The following GALNT12 variants were observed in gnomAD, a reference collection of about 807,000 sequenced individuals.
The protein encoded by GALNT12 is UDP-GalNAc:polypeptide N-acetylgalactosaminyltransferase 12.
Under a neutral mutation model 55.5 loss-of-function variants are expected in GALNT12, and 45 were observed. The observed-to-expected ratio is 0.81, with a 90% confidence interval of 0.64 to 1.04. The LOEUF (loss-of-function observed/expected upper bound fraction) is 1.04. Among genes scored for constraint, GALNT12 ranks in the 50% least tolerant of loss-of-function variants. GALNT12 has a pLI of 0.00. For synonymous variants in GALNT12, 304 were observed against 312.2 expected (o/e 0.97, Z 0.28); for missense variants, 709 against 754.8 (o/e 0.94, Z 0.71).
chr9:98,835,811 C>G (rs146708749), intron 5 of GALNT12, among the ~76,000 whole-genome samples: 44 of 152,226 alleles, frequency 2.9e-4, no homozygotes, highest in African/African-American at 1.1e-3. Context: ...TCTCAGCTCA[C>G]TGCAACCTCC....
intron 1 of GALNT12, among the ~76,000 whole-genome samples, chr9:98,821,904 C>G (rs1357907162): frequency 6.6e-6 from 1 of 152,036 alleles, no homozygotes; most frequent in Non-Finnish European, 1.5e-5. Flanking sequence ...TCTGTAATTC[C>G]TGATTTGTTT....
At chr9:98,848,838 C>A in intron 9 of GALNT12, 114 bp from the exon 10 acceptor site, 1 of 1,230,994 alleles carries the variant, frequency 8.1e-7, no homozygotes, top group Admixed American at 1.9e-5. Flanking sequence ...GACACTTACC[C>A]CTCAATAAAT....
chr9:98,833,745 T>C (rs1836061983), intron 4 of GALNT12, among the ~76,000 whole-genome samples: 1 of 152,042 alleles, frequency 6.6e-6, no homozygotes, highest in African/African-American at 2.4e-5. Flanking sequence ...CCTCACTGAA[T>C]AGGTTTGGAA....
intron 4 of GALNT12, among the ~76,000 whole-genome samples, chr9:98,833,516 G>A (rs1413603086): frequency 3.9e-5 from 6 of 152,190 alleles, no homozygotes; most frequent in African/African-American, 1.2e-4. Context: ...GCCATGTGGT[G>A]AGGGCCCTGG....
In GALNT12 at chr9:98,831,820, C is replaced by G. The variant is rs777942439; in HGVS notation, c.780C>G (p.Ile260Met). 1.2e-6 allele frequency: 2 copies of G among 1,614,152 alleles called. No individual in the cohort carries two copies. Among genetic ancestry groups the G allele is most frequent in the Admixed American group, 1.7e-5 (1 of 60,020 alleles). ...TGGTGTGCCCGGTGATTGATGTGAT[C>G]GACTGGAACACCTTCGAATACCTGG... ...SAVVCPVIDV[I>M]DWNTFEYLGN... is the part of the protein sequence containing the mutation. The change falls in exon 4 of 10, where the codon ATC becomes ATG. Residue 260 changes from isoleucine (I) to methionine (M), a missense_variant. Coordinates refer to ENST00000375011, the MANE Select transcript of GALNT12 (RefSeq NM_024642.5).
intron 9 of GALNT12, among the ~76,000 whole-genome samples, chr9:98,846,909 T>C (rs1160466940): frequency 6.7e-6 from 1 of 150,178 alleles, no homozygotes; most frequent in Non-Finnish European, 1.5e-5. Flanking sequence ...TTACTGAGGA[T>C]TAGATGCATA....
chr9:98,808,141 G>A, intron 1 of GALNT12, 72 bp downstream of exon 1: 1 of 1,298,638 alleles, frequency 7.7e-7, no homozygotes, highest in Non-Finnish European at 1.1e-6. Context: ...CAGAGCAGTG[G>A]CAGGGCGGGG....
intron 7 of GALNT12, among the ~76,000 whole-genome samples, chr9:98,843,009 A>G (rs1268919406): frequency 6.6e-6 from 1 of 152,222 alleles, no homozygotes; most frequent in East Asian, 1.9e-4. Flanking sequence ...CAGTAGCCAC[A>G]GTGGCCAGTG....
At chr9:98,808,097 C>A (rs763944798) in intron 1 of GALNT12, 28 bp downstream of exon 1, 28 of 1,533,112 alleles carry the variant, frequency 1.8e-5, no homozygotes, top group South Asian at 2.4e-5. Flanking sequence ...GGGAGGAAGC[C>A]CGCCCTCAGA....
intron 4 of GALNT12, among the ~76,000 whole-genome samples, chr9:98,833,029 C>G (rs1438556571): frequency 6.6e-6 from 1 of 152,026 alleles, no homozygotes; most frequent in African/African-American, 2.4e-5. Flanking sequence ...ATCTTTAGGC[C>G]CCTTTGACCT....
In GALNT12 at chr9:98,823,377, G is replaced by C. The variant is rs2118355871; in HGVS notation, c.493G>C (p.Asp165His). The C allele has an allele frequency of 6.2e-7, 1 of 1,614,168 alleles. No individual in the cohort carries two copies. Among genetic ancestry groups the C allele is most frequent in the South Asian group, 1.1e-5 (1 of 91,078 alleles). The change falls in exon 2 of 10, where the codon GAT becomes CAT. Residue 165 changes from aspartate to histidine, a missense_variant. Physicochemically the swap from Asp to His is moderately conservative, Grantham distance 81. Coordinates refer to ENST00000375011, the MANE Select transcript of GALNT12 (RefSeq NM_024642.5). ...TTACAGTGTCCTTGAGACATCCCCG[G>C]ATATCCTGCTAGAAGAAGTGATCCT... ...TVYSVLETSP[D>H]ILLEEVILVD... is the part of the protein sequence containing the mutation.
At chr9:98,831,984 GT>G (rs1588450156) in intron 4 of GALNT12, 27 bp downstream of exon 4, 1 of 1,597,302 alleles carries the variant, frequency 6.3e-7, no homozygotes, top group East Asian at 2.2e-5. Context: ...TGGGTGACTT[GT>G]TTTTTAAGCA....
intron 1 of GALNT12, among the ~76,000 whole-genome samples, chr9:98,821,369 C>G (rs532870639): frequency 6.6e-6 from 1 of 151,946 alleles, no homozygotes; most frequent in East Asian, 2.0e-4. Context: ...CACCTGTAAT[C>G]CCAGCACTTT....
intron 1 of GALNT12, among the ~76,000 whole-genome samples, chr9:98,818,602 C>T (rs1024613293): frequency 1.3e-5 from 2 of 152,012 alleles, no homozygotes; most frequent in African/African-American, 2.4e-5. Context: ...ACACTTTAAT[C>T]AGGCCATTGC....
At position 98,835,246 on chromosome 9, in the gene GALNT12, T is replaced by A. The variant is rs1206962893; in HGVS notation, c.918-3T>A. The stretch of plus-strand genomic sequence containing the variant: ...GTGAAATAAGGATATCATACTTTTT[T>A]AGGTCTCCAACAATGGCTGGTGGGC... On this transcript the variant is annotated splice_region_variant and splice_polypyrimidine_tract_variant and intron_variant, in intron 4 of 9. Coordinates refer to ENST00000375011, the MANE Select transcript of GALNT12 (RefSeq NM_024642.5). 2 of 1,599,070 alleles carry A rather than the reference T, an allele frequency of 1.3e-6. No homozygotes were observed. The highest frequency in any genetic ancestry group is 2.7e-5 in the African/African-American group (2 of 74,658).
In GALNT12 at chr9:98,842,370, T is replaced by C. The variant is rs559487747; in HGVS notation, c.1345-1726T>C. On this transcript the variant is annotated intron_variant, in intron 7 of 9. Coordinates refer to ENST00000375011, the MANE Select transcript of GALNT12 (RefSeq NM_024642.5). Reference sequence around the variant, plus strand: ...GCTAATTTTTTATTTTTATTTTTAGTAAAGACTAAGGTCTCGCTATGTTGC... The same window carrying C: ...GCTAATTTTTTATTTTTATTTTTAGCAAAGACTAAGGTCTCGCTATGTTGC... 2.6e-5 allele frequency among the ~76,000 whole-genome samples: 4 copies of C among 151,914 alleles called. No individual in the cohort carries two copies. In the South Asian group the frequency reaches 8.3e-4, roughly 32 times the overall value.
At position 98,831,772 on chromosome 9, in the gene GALNT12, G is replaced by A. The variant is rs1318889911; in HGVS notation, c.732G>A (p.Arg244=). 1.2e-6 allele frequency: 2 copies of A among 1,614,170 alleles called. No homozygotes were observed. The highest frequency in any genetic ancestry group is 1.7e-6 in the Non-Finnish European group (2 of 1,180,038). Residue 244 remains arginine (R), a splice_region_variant and synonymous_variant, in exon 4 of 10, where the codon AGG becomes AGA. Coordinates refer to ENST00000375011, the MANE Select transcript of GALNT12 (RefSeq NM_024642.5). The stretch of plus-strand genomic sequence containing the variant: ...GGATGGATGTCTTGGGTGCTTTCAG[G>A]ATCCATGAAGAGGAGTCGGCAGTGG... ...HEGWLEPLLQ[R]IHEEESAVVC...
rs73496150 is a variant in GALNT12, at chr9:98,823,499, G to T, written c.541+74G>T. 7,152 of 1,390,024 alleles carry T rather than the reference G, an allele frequency of 5.1e-3. 301 individuals carry two copies. The African/African-American group carries it at 0.091, about 18-fold the overall frequency. 86.1% of individuals were successfully genotyped at this position (1,390,024 alleles called of 1,614,324 possible). A position where few individuals can be genotyped will look rare whatever the true frequency, so the allele number is the denominator to read the frequency against. On this transcript the variant is annotated intron_variant, in intron 2 of 9. Coordinates refer to ENST00000375011, the MANE Select transcript of GALNT12 (RefSeq NM_024642.5). ...GTCTGGGAGGTGAGAGTGGGATGCA[G>T]GAGGGCTAAAGTAGGCCCAGTAAGG...
intron 1 of GALNT12, among the ~76,000 whole-genome samples, chr9:98,818,106 A>C (rs1341067107): frequency 1.3e-5 from 2 of 152,162 alleles, no homozygotes; most frequent in African/African-American, 4.8e-5. Flanking sequence ...ACAGTTCTTT[A>C]CCTGTCTCTA....
Sources: allele counts gnomAD v4.1 joint callset (sites outside exome capture counted in the v4.1 genomes callset), GRCh38; gene constraint gnomAD v4.1.1; transcripts MANE v1.5; gene names NCBI Gene and HGNC (gene_info 2026-07-23, HGNC 2026-07-21).